LMAN1: variants seen among roughly 807,000 people sequenced by gnomAD.
LMAN1 encodes the protein protein ERGIC-53.
Under a neutral mutation model 67.8 loss-of-function variants are expected in LMAN1, and 32 were observed. The ratio of observed to expected loss-of-function variants is 0.47; its 90% confidence interval spans 0.36 to 0.63. The LOEUF (loss-of-function observed/expected upper bound fraction) is 0.63. LMAN1 is among the 30% of genes least tolerant of loss of function. The pLI is 0.00. For missense variants in LMAN1, 632 were observed against 628.2 expected, an observed-to-expected ratio of 1.01 and a Z score of -0.06; for synonymous variants, 235 against 219.3, an observed-to-expected ratio of 1.07 and a Z score of -0.63.
intron 3 of LMAN1, 124 bp from the exon 4 acceptor site, chr18:59,354,704 C>T: frequency 1.8e-6 from 1 of 552,660 alleles, no homozygotes; most frequent in Non-Finnish European, 3.2e-6. Context: ...AATAACCTGG[C>T]CTTGGCACTC....
chr18:59,349,341 AG>A lies in LMAN1; in HGVS notation c.640-106del, dbSNP rs1908491069. ...ATTCAGTTTTGTTTCATTATTATAA[AG>A]AGTAATTTTAAATAACGTTTCCTAC... On this transcript the variant is annotated intron_variant, in intron 5 of 12. Coordinates refer to ENST00000251047, the MANE Select transcript of LMAN1 (RefSeq NM_005570.4). 2.9e-6 allele frequency: 3 copies of A among 1,039,478 alleles called. No individual in the cohort carries two copies. In the East Asian group the frequency reaches 7.6e-5, roughly 26 times the overall value. 64.4% of individuals were successfully genotyped at this position (1,039,478 alleles called of 1,614,324 possible).
chr18:59,346,710 G>A (rs1265214043), intron 7 of LMAN1, among the ~76,000 whole-genome samples: 1 of 150,886 alleles, frequency 6.6e-6, no homozygotes, highest in Admixed American at 6.6e-5. Flanking sequence ...TGTAGAGATG[G>A]GGTTTTGCCA....
At chr18:59,345,665 T>C (rs1015728108) in intron 8 of LMAN1, among the ~76,000 whole-genome samples, 2 of 152,220 alleles carry the variant, frequency 1.3e-5, no homozygotes, top group Non-Finnish European at 2.9e-5. Context: ...GCTTTCACTC[T>C]AGCGGTCCCA....
chr18:59,349,328 TTCA>T, intron 5 of LMAN1, 92 bp from the exon 6 acceptor site: 1 of 1,124,690 alleles, frequency 8.9e-7, no homozygotes, highest in Non-Finnish European at 1.3e-6. Flanking sequence ...TCAGTTTTGT[TTCA>T]TTATTATAAA....
At chr18:59,341,154 G>C (rs986263554) in intron 8 of LMAN1, among the ~76,000 whole-genome samples, 5 of 151,934 alleles carry the variant, frequency 3.3e-5, no homozygotes, top group Non-Finnish European at 7.4e-5. Flanking sequence ...TTCACCAAGA[G>C]GATATAACAA....
At chr18:59,333,869 T>G (rs1357499303) in intron 10 of LMAN1, among the ~76,000 whole-genome samples, 1 of 150,988 alleles carries the variant, frequency 6.6e-6, no homozygotes, top group Non-Finnish European at 1.5e-5. Context: ...AAAAAGAGAC[T>G]CAAATTACTT....
At chr18:59,339,213 C>A (rs960239834) in intron 8 of LMAN1, among the ~76,000 whole-genome samples, 3 of 152,034 alleles carry the variant, frequency 2.0e-5, no homozygotes, top group Admixed American at 1.3e-4. Flanking sequence ...CTTGGATAAT[C>A]TCAGGAGGGA....
intron 7 of LMAN1, among the ~76,000 whole-genome samples, chr18:59,346,712 G>A (rs1488694123): frequency 6.6e-6 from 1 of 150,958 alleles, no homozygotes; most frequent in Non-Finnish European, 1.5e-5. Flanking sequence ...TAGAGATGGG[G>A]TTTTGCCATG....
intron 10 of LMAN1, among the ~76,000 whole-genome samples, chr18:59,334,264 G>T (rs1409979747): frequency 6.6e-6 from 1 of 152,096 alleles, no homozygotes; most frequent in East Asian, 1.9e-4. Context: ...CTCCTACTCA[G>T]TCATTCATTC....
At chr18:59,348,592 T>A (rs1375605460) in intron 6 of LMAN1, among the ~76,000 whole-genome samples, 1 of 152,264 alleles carries the variant, frequency 6.6e-6, no homozygotes, top group Non-Finnish European at 1.5e-5. Context: ...GGCATTGACG[T>A]TGAATGGTAA....
rs1261453222 is a variant in LMAN1, at chr18:59,345,985, G to A, written c.889C>T (p.Gln297Ter). 6.2e-7 allele frequency: 1 copy of A among 1,613,546 alleles called. No homozygotes were observed. Among genetic ancestry groups the A allele is most frequent in the Admixed American group, 1.7e-5 (1 of 59,984 alleles). Residue 297 changes from glutamine (Q) to a stop codon, truncating the protein, a stop_gained, in exon 8 of 13, where the codon CAA becomes TAA. Coordinates refer to ENST00000251047, the MANE Select transcript of LMAN1 (RefSeq NM_005570.4). LOFTEE classifies it high-confidence loss of function. ...EKYQEEFEHFQQELDKKKEEF... is the reference protein window; with the variant it reads ...EKYQEEFEHF ...TCTTTTTTTTTATCCAATTCTTGTT[G>A]AAAGTGCTCAAATTCCTCCTGATAC...
rs896078793 is a variant in LMAN1, at chr18:59,345,845, C to A, written c.955+74G>T. Reference sequence around the variant, plus strand: ...GAGAGCAGGGATGAGCTAGGCAACACAGAGACTCAAGCGTCCATGATCAAC... The same window carrying A: ...GAGAGCAGGGATGAGCTAGGCAACAAAGAGACTCAAGCGTCCATGATCAAC... On this transcript the variant is annotated intron_variant, in intron 8 of 12. Transcript: ENST00000251047. 47 of 1,565,330 alleles carry A rather than the reference C, an allele frequency of 3.0e-5. No homozygotes were observed. In the South Asian group the frequency reaches 4.0e-4, roughly 13 times the overall value.
At chr18:59,358,610 T>G in intron 1 of LMAN1, among the ~76,000 whole-genome samples, 1 of 149,524 alleles carries the variant, frequency 6.7e-6, no homozygotes, top group South Asian at 2.1e-4. Flanking sequence ...GGAAAGGAAG[T>G]AAGGGGGCTT....
At chr18:59,355,119 C>CA (rs1227321017) in intron 3 of LMAN1, among the ~76,000 whole-genome samples, 194 bp downstream of exon 3, 3 of 152,108 alleles carry the variant, frequency 2.0e-5, no homozygotes, top group African/African-American at 7.2e-5. Flanking sequence ...AGCTGATGTA[C>CA]AAAAAATCAT....
chr18:59,337,265 G>C (rs941477229), intron 10 of LMAN1, among the ~76,000 whole-genome samples: 1 of 151,566 alleles, frequency 6.6e-6, no homozygotes. Context: ...GGTATTAACT[G>C]ATTAATGCTC....
In LMAN1 at chr18:59,333,154, A is replaced by G. The variant is rs780996534; in HGVS notation, c.1311T>C (p.Ile437=). The G allele has an allele frequency of 7.4e-6, 12 of 1,613,566 alleles. No individual in the cohort carries two copies. Among genetic ancestry groups the G allele is most frequent in the Non-Finnish European group, 1.0e-5 (12 of 1,179,670 alleles). Residue 437 remains isoleucine (I), a synonymous_variant, in exon 11 of 13, where the codon ATT becomes ATC. Coordinates refer to ENST00000251047, the MANE Select transcript of LMAN1 (RefSeq NM_005570.4). The part of the protein sequence containing the change: ...GGVYETTQHF[I]DIKEHLHIVK... ...CTATGTGCAGGTGCTCTTTGATGTC[A>G]ATGAAGTGCTGTGTTGTCTCATAGA...
intron 10 of LMAN1, among the ~76,000 whole-genome samples, chr18:59,335,535 G>A (rs570486467): frequency 6.6e-6 from 1 of 152,156 alleles, no homozygotes; most frequent in East Asian, 1.9e-4. Context: ...GTTACCAAGA[G>A]GGAATGGGTG....
At chr18:59,340,560 A>C (rs1239829088) in intron 8 of LMAN1, among the ~76,000 whole-genome samples, 1 of 152,212 alleles carries the variant, frequency 6.6e-6, no homozygotes, top group Non-Finnish European at 1.5e-5. Context: ...CAAATGAAGA[A>C]GAAATAAAGC....
At position 59,332,490 on chromosome 18, in the gene LMAN1, G is replaced by A. The variant is rs1603393687; in HGVS notation, c.1374+601C>T. Among the ~76,000 whole-genome samples, 3 of 152,030 alleles carry A rather than the reference G, an allele frequency of 2.0e-5. No homozygotes were observed. The East Asian group carries it at 5.8e-4, about 29-fold the overall frequency. Reference sequence around the variant, plus strand: ...CTGACCTTGGGAGAGTCAGTTTAATGTAACATTATTATTAATCTATTAGTA... The same window carrying A: ...CTGACCTTGGGAGAGTCAGTTTAATATAACATTATTATTAATCTATTAGTA... On this transcript the variant is annotated intron_variant, in intron 11 of 12. Transcript: ENST00000251047.
Sources: allele counts gnomAD v4.1 joint callset (sites outside exome capture counted in the v4.1 genomes callset), GRCh38; gene constraint gnomAD v4.1.1; transcripts MANE v1.5; gene names NCBI Gene and HGNC (gene_info 2026-07-23, HGNC 2026-07-21).